Variants in MMP8 observed in about 807,000 individuals in gnomAD.
MMP8 encodes matrix metallopeptidase 8, also known as neutrophil collagenase.
In MMP8, 67 loss-of-function variants were observed where a neutral mutation model predicts 51.2. The ratio of observed to expected loss-of-function variants is 1.31; its 90% CI spans 1.08 to 1.60. The LOEUF is 1.60. Among genes scored for constraint, MMP8 ranks in the 40% most tolerant of loss-of-function variants. MMP8 has a pLI of 0.00. For synonymous variants in MMP8, 225 were observed against 191.0 expected (o/e 1.18, Z -1.47); for missense variants, 654 against 558.1 (o/e 1.17, Z -1.73).
chr11:102,714,159 G>A (rs765179075), intron 8 of MMP8, among the ~76,000 whole-genome samples: 2 of 152,132 alleles, frequency 1.3e-5, no homozygotes, highest in South Asian at 2.1e-4. Flanking sequence ...TCCCTTGTGT[G>A]TGTATATAGA....
chr11:102,718,369 T>C, intron 5 of MMP8, 45 bp downstream of exon 5: 1 of 1,567,142 alleles, frequency 6.4e-7, no homozygotes, highest in Non-Finnish European at 8.7e-7. Flanking sequence ...GTTCGCCTAT[T>C]CCCAGGTCCT....
chr11:102,713,872 A>T lies in MMP8; in HGVS notation c.1191-15T>A, dbSNP rs1336852490. 1 of 1,588,704 alleles carries T rather than the reference A, an allele frequency of 6.3e-7. No homozygotes were observed. Among genetic ancestry groups the T allele is most frequent in the African/African-American group, 1.4e-5 (1 of 73,572 alleles). On this transcript the variant is annotated splice_polypyrimidine_tract_variant and intron_variant, in intron 8 of 9. Transcript: ENST00000236826. Reference sequence around the variant, plus strand: ...GGTTATCATATCTGGTAAAAACAAAATGTTATCCGATTTAACACCAATACA... The same window carrying T: ...GGTTATCATATCTGGTAAAAACAAATTGTTATCCGATTTAACACCAATACA...
chr11:102,713,320 A>T lies in MMP8; in HGVS notation c.*28T>A. On this transcript the variant is annotated 3_prime_UTR_variant, in exon 10 of 10. Transcript: ENST00000236826. ...CTGAACTTCCCTTCAACATTCTGAA[A>T]GTGGATACAGCCACATTTGATTTTG... 1 of 1,488,322 alleles carries T rather than the reference A, an allele frequency of 6.7e-7. No homozygotes were observed. The highest frequency in any genetic ancestry group is 1.4e-5 in the African/African-American group (1 of 72,154). 92.2% of individuals were successfully genotyped at this position (1,488,322 alleles called of 1,614,324 possible).
At position 102,721,777 on chromosome 11, in the gene MMP8, G is replaced by C. The variant is rs1861481126; in HGVS notation, c.348-15C>G. 6.2e-7 allele frequency: 1 copy of C among 1,612,648 alleles called. No individual in the cohort carries two copies. The highest frequency in any genetic ancestry group is 8.5e-7 in the Non-Finnish European group (1 of 1,179,244). ...AGTTTCGAATCCTTCAAAATGAGAG[G>C]ATGTATGAAGAGTTAAATGTTATTT... is the stretch of plus-strand genomic sequence containing the variant. On this transcript the variant is annotated splice_polypyrimidine_tract_variant and intron_variant, in intron 2 of 9. Transcript: ENST00000236826.
At chr11:102,715,513 C>T in intron 6 of MMP8, 76 bp from the exon 7 acceptor site, 1 of 1,527,636 alleles carries the variant, frequency 6.5e-7, no homozygotes, top group South Asian at 1.3e-5. Flanking sequence ...GACTTTTAGG[C>T]TAGTGATGGT....
chr11:102,713,960 T>A (rs1565435373), intron 8 of MMP8, 103 bp from the exon 9 acceptor site: 3 of 681,094 alleles, frequency 4.4e-6, no homozygotes, highest in Non-Finnish European at 7.2e-6. Flanking sequence ...ACACATATTT[T>A]TTCATTCAGT....
chr11:102,721,535 A>G lies in MMP8; in HGVS notation c.497-9T>C. The stretch of plus-strand genomic sequence containing the variant: ...AGAATTGTCACCGTGATCTGAAATA[A>G]GAACATTTGTATTAGATCCTTGCCA... On this transcript the variant is annotated splice_polypyrimidine_tract_variant and intron_variant, in intron 3 of 9. Transcript: ENST00000236826. 6.2e-7 allele frequency: 1 copy of G among 1,613,832 alleles called. No homozygotes were observed. Among genetic ancestry groups the G allele is most frequent in the Non-Finnish European group, 8.5e-7 (1 of 1,179,798 alleles).
intron 1 of MMP8, among the ~76,000 whole-genome samples, chr11:102,723,322 A>G (rs943943740): frequency 1.3e-5 from 2 of 152,230 alleles, no homozygotes; most frequent in Admixed American, 6.5e-5. Flanking sequence ...AGTTTGGCTT[A>G]AAAGTTTCTT....
chr11:102,719,546 C>G (rs548222121), intron 4 of MMP8, among the ~76,000 whole-genome samples: 14 of 152,190 alleles, frequency 9.2e-5, no homozygotes, highest in Non-Finnish European at 2.1e-4. Flanking sequence ...CTTGGTCCCT[C>G]AACTAGTAAG....
chr11:102,718,272 T>G, intron 5 of MMP8, 142 bp downstream of exon 5: 2 of 903,286 alleles, frequency 2.2e-6, no homozygotes, highest in Non-Finnish European at 3.3e-6. Context: ...ACCTTCTTTG[T>G]TAATGCTTTA....
intron 2 of MMP8, 48 bp from the exon 3 acceptor site, chr11:102,721,810 T>A: frequency 6.3e-7 from 1 of 1,596,196 alleles, no homozygotes; most frequent in Non-Finnish European, 8.6e-7. Flanking sequence ...TTTAGAACAG[T>A]AGTCCATCAA....
intron 5 of MMP8, among the ~76,000 whole-genome samples, chr11:102,717,210 G>A (rs1411983919): frequency 6.6e-6 from 1 of 152,104 alleles, no homozygotes; most frequent in Non-Finnish European, 1.5e-5. Flanking sequence ...TTAGAGAGCA[G>A]TAAATCCCTT....
At chr11:102,718,854 A>G (rs540400983) in intron 4 of MMP8, among the ~76,000 whole-genome samples, 8 of 152,358 alleles carry the variant, frequency 5.3e-5, no homozygotes, top group South Asian at 4.1e-4. Flanking sequence ...ACAAATGTGC[A>G]TCTGAGACTT....
intron 6 of MMP8, 34 bp from the exon 7 acceptor site, chr11:102,715,471 T>TATACATAACA: frequency 6.3e-7 from 1 of 1,589,094 alleles, no homozygotes; most frequent in Non-Finnish European, 8.5e-7. Context: ...CACACACACT[T>TATACATAACA]ATACATAACA....
At position 102,722,431 on chromosome 11, in the gene MMP8, G is replaced by A; in HGVS notation, c.345C>T (p.Tyr115=). The change falls in exon 2 of 10, where the codon TAC becomes TAT. Residue 115 remains tyrosine, a splice_region_variant and synonymous_variant. Coordinates refer to ENST00000236826, the MANE Select transcript of MMP8 (RefSeq NM_002424.3). ...TCCTGAAACCCTAGAGATATCACCT[G>A]TAGGTCAAGTTAGTGCGTTCCCACT... ...NPKWERTNLT[Y]RIRNYTPQLS... 6.2e-7 allele frequency: 1 copy of A among 1,613,570 alleles called. No individual in the cohort carries two copies. Among genetic ancestry groups the A allele is most frequent in the East Asian group, 2.2e-5 (1 of 44,874 alleles).
chr11:102,721,748 G>T lies in MMP8; in HGVS notation c.362C>A (p.Thr121Asn). 2 of 1,613,636 alleles carry T rather than the reference G, an allele frequency of 1.2e-6. No homozygotes were observed. Among genetic ancestry groups the T allele is most frequent in the Non-Finnish European group, 1.7e-6 (2 of 1,179,734 alleles). Residue 121 changes from threonine to asparagine, a missense_variant, in exon 3 of 10, where the codon ACC (threonine) becomes AAC (asparagine). Thr to Asn is a moderately conservative substitution (Grantham distance 65). Coordinates refer to ENST00000236826, the MANE Select transcript of MMP8 (RefSeq NM_002424.3). ...TACCTCAGCCTCTGACAGCTGTGGG[G>T]TATAGTTTCGAATCCTTCAAAATGA... ...TNLTYRIRNY[T>N]PQLSEAEVER...
intron 8 of MMP8, among the ~76,000 whole-genome samples, chr11:102,714,302 A>G (rs1861215562): frequency 6.6e-6 from 1 of 152,166 alleles, no homozygotes; most frequent in African/African-American, 2.4e-5. Flanking sequence ...ATCTCACCCT[A>G]GTGCTTTGTT....
At position 102,716,318 on chromosome 11, in the gene MMP8, G is replaced by C. The variant is rs140142860; in HGVS notation, c.886C>G (p.Leu296Val). The C allele has an allele frequency of 1.3e-4, 196 of 1,521,876 alleles. No individual in the cohort carries two copies. Among genetic ancestry groups the C allele is most frequent in the Middle Eastern group, 1.8e-4 (1 of 5,644 alleles). 94.3% of individuals were successfully genotyped at this position (1,521,876 alleles called of 1,614,324 possible). The stretch of plus-strand genomic sequence containing the variant: ...ATTTTATACCTGTCTTTAAAGAAAA[G>C]TATTTCTCCACGGAGTGTGGTGATA... ...DAITTLRGEI[L>V]FFKDRYFWRR... is the part of the protein sequence containing the mutation. Residue 296 changes from leucine (L) to valine (V), a missense_variant, in exon 6 of 10, where the codon CTT becomes GTT. By Grantham distance (32) the Leu-to-Val change is conservative. Coordinates refer to ENST00000236826, the MANE Select transcript of MMP8 (RefSeq NM_002424.3).
At chr11:102,723,112 A>C (rs148968006) in intron 1 of MMP8, 2 of 1,200,186 alleles carry the variant, frequency 1.7e-6, no homozygotes, top group African/African-American at 3.1e-5. Context: ...AGAATTAAGG[A>C]ATTTTCCAAG....
Sources: gnomAD v4.1 joint callset for allele counts (sites outside exome capture counted in the v4.1 genomes callset) on GRCh38, gnomAD v4.1.1 for gene constraint, MANE v1.5 for transcripts, NCBI Gene and HGNC (gene_info 2026-07-23, HGNC 2026-07-21) for gene names.